Variants in ADAMTS3 observed in about 807,000 individuals in gnomAD.
ADAMTS3 encodes the protein ADAM metallopeptidase with thrombospondin type 1 motif 3.
A neutral mutation model predicts 129.0 loss-of-function variants in ADAMTS3; 73 were observed. The observed-to-expected ratio is 0.57, with a 90% CI of 0.47 to 0.69. The LOEUF is 0.69. ADAMTS3 is among the 30% of genes least tolerant of loss of function. ADAMTS3 has a pLI of 0.00. For synonymous variants in ADAMTS3, 477 were observed against 510.8 expected (o/e 0.93, Z 0.89); for missense variants, 1,457 against 1,514.5 (o/e 0.96, Z 0.63).
rs113479847 is a variant in ADAMTS3 at position 72,369,568 on chromosome 4, A to G, written c.662-29875T>C. 1.5e-3 allele frequency among the ~76,000 whole-genome samples: 233 copies of G among 152,136 alleles called. 2 individuals are homozygous for G. Among genetic ancestry groups the G allele is most frequent in the African/African-American group, 5.4e-3 (225 of 41,496 alleles). On this transcript the variant is annotated intron_variant, in intron 4 of 21. Transcript: ENST00000286657. The stretch of plus-strand genomic sequence containing the variant: ...TCTAGTAAAAATACAAAAATTAGCC[A>G]GGCATGGTAGTGGGAGCCTGTAATC...
chr4:72,372,026 T>C (rs534378047), intron 4 of ADAMTS3, among the ~76,000 whole-genome samples: 1 of 152,172 alleles, frequency 6.6e-6, no homozygotes, highest in African/African-American at 2.4e-5. Flanking sequence ...TCATAAACCA[T>C]ATTGTCAAAG....
chr4:72,376,420 A>G (rs1721134831), intron 4 of ADAMTS3, among the ~76,000 whole-genome samples: 2 of 152,186 alleles, frequency 1.3e-5, no homozygotes, highest in Non-Finnish European at 2.9e-5. Flanking sequence ...ATCAGCATGG[A>G]CGTTCAATAA....
Position 72,351,947 on chromosome 4 carries a change from T to C in ADAMTS3, c.662-12254A>G, listed in dbSNP as rs76230993. On this transcript the variant is annotated intron_variant, in intron 4 of 21. Coordinates refer to ENST00000286657, the MANE Select transcript of ADAMTS3 (RefSeq NM_014243.3). ...AAATTTTATAAATTAGCGTTCATTG[T>C]TGGCAATTTCTCAAAATCAACAAGG... Among the ~76,000 whole-genome samples, 243 of 152,078 alleles carry C rather than the reference T, an allele frequency of 1.6e-3. 6 individuals carry two copies. The East Asian group carries it at 0.025, about 16-fold the overall frequency.
At chr4:72,535,016 TG>T (rs150654956) in intron 3 of ADAMTS3, among the ~76,000 whole-genome samples, 1 of 152,310 alleles carries the variant, frequency 6.6e-6, no homozygotes, top group African/African-American at 2.4e-5. Context: ...AAGCCAAGGC[TG>T]GAAGTGAGGT....
At position 72,304,034 on chromosome 4, in the gene ADAMTS3, C is replaced by A. The variant is rs763979086; in HGVS notation, c.2307G>T (p.Gly769=). The change falls in exon 17 of 22, where the codon GGG becomes GGT. Residue 769 remains glycine (G), a synonymous_variant. Coordinates refer to ENST00000286657, the MANE Select transcript of ADAMTS3 (RefSeq NM_014243.3). ...TGAAGGTCCGCGACTTGGCTTCCTC[C>A]CCTTTGCCATTTAAAATATAATGGC... ...ATGHYILNGK[G]EEAKSRTFID... is the part of the protein sequence containing the mutation. The A allele has an allele frequency of 6.2e-7, 1 of 1,613,668 alleles. No homozygotes were observed. The highest frequency in any genetic ancestry group is 2.2e-5 in the East Asian group (1 of 44,850).
chr4:72,568,831 C>CCAAAAA lies in ADAMTS3; in HGVS notation c.-70_-69insTTTTTG. On this transcript the variant is annotated 5_prime_UTR_variant, in exon 1 of 22. Transcript: ENST00000286657. Reference sequence around the variant, plus strand: ...CCAGAGCAAACCCACCCCCCCCGCCCAAAATAAGTTTCTTTAAGAAAAAAA... The same window carrying CCAAAAA: ...CCAGAGCAAACCCACCCCCCCCGCCCCAAAAAAAAATAAGTTTCTTTAAGAAAAAAA... 4.2e-6 allele frequency: 5 copies of CCAAAAA among 1,177,370 alleles called. No homozygotes were observed. The highest frequency in any genetic ancestry group is 1.4e-5 in the South Asian group (1 of 72,588). The allele number at this position is 1,177,370 out of a possible 1,614,324, so 72.9% of individuals were successfully genotyped here.
At chr4:72,561,537 A>G (rs189257085) in intron 2 of ADAMTS3, among the ~76,000 whole-genome samples, 26 of 152,262 alleles carry the variant, frequency 1.7e-4, no homozygotes, top group Admixed American at 6.5e-4. Context: ...TGAACTTTAC[A>G]TGTAAAAGAG....
chr4:72,567,293 C>G, intron 2 of ADAMTS3, 81 bp downstream of exon 2: 1 of 1,381,574 alleles, frequency 7.2e-7, no homozygotes, highest in Non-Finnish European at 1.0e-6. Context: ...GGAAACATTT[C>G]AGAAACAATA....
intron 4 of ADAMTS3, among the ~76,000 whole-genome samples, chr4:72,366,179 A>G (rs1720862898): frequency 6.6e-6 from 1 of 152,192 alleles, no homozygotes; most frequent in East Asian, 1.9e-4. Context: ...AATAACCACA[A>G]AATAGCTCAC....
intron 3 of ADAMTS3, among the ~76,000 whole-genome samples, chr4:72,480,341 T>G (rs1368744146): frequency 6.6e-6 from 1 of 152,292 alleles, no homozygotes; most frequent in Admixed American, 6.5e-5. Context: ...GTGGCACATA[T>G]ACACCATGGA....
intron 3 of ADAMTS3, among the ~76,000 whole-genome samples, chr4:72,419,797 AG>A (rs577410261): frequency 1.3e-5 from 2 of 152,100 alleles, no homozygotes; most frequent in Admixed American, 6.6e-5. Context: ...GAGTTCATGC[AG>A]GGGGGCTCCA....
intron 4 of ADAMTS3, among the ~76,000 whole-genome samples, chr4:72,389,209 A>G (rs974593713): frequency 3.7e-4 from 56 of 152,210 alleles, no homozygotes; most frequent in African/African-American, 1.3e-3. Context: ...CGAGGATAAC[A>G]GCCTCAGGAC....
At chr4:72,420,986 C>A (rs1722431069) in intron 3 of ADAMTS3, among the ~76,000 whole-genome samples, 1 of 151,806 alleles carries the variant, frequency 6.6e-6, no homozygotes, top group African/African-American at 2.4e-5. Context: ...TTCTCAGGGG[C>A]AATAGCTAAA....
chr4:72,478,193 G>A (rs1719299574), intron 3 of ADAMTS3, among the ~76,000 whole-genome samples: 1 of 152,180 alleles, frequency 6.6e-6, no homozygotes, highest in Non-Finnish European at 1.5e-5. Flanking sequence ...CTCATTTTAT[G>A]AGGCCAGCTT....
chr4:72,395,800 ATAG>A lies in ADAMTS3; in HGVS notation c.661+19012_661+19014del, dbSNP rs201667092. Among the ~76,000 whole-genome samples the A allele has an allele frequency of 9.7e-3, 1,476 of 152,198 alleles. 23 individuals are homozygous for A. The highest frequency in any genetic ancestry group is 0.033 in the African/African-American group (1,384 of 41,508). ...ATGCATGTTCCATAATGTATAAATG[ATAG>A]TAGTATATTTGTGTGTGTGTGTGTG... On this transcript the variant is annotated intron_variant, in intron 4 of 21. Coordinates refer to ENST00000286657, the MANE Select transcript of ADAMTS3 (RefSeq NM_014243.3).
chr4:72,346,165 C>T (rs1449544194), intron 4 of ADAMTS3, among the ~76,000 whole-genome samples: 3 of 152,142 alleles, frequency 2.0e-5, no homozygotes, highest in African/African-American at 7.2e-5. Flanking sequence ...CAGATTGTGT[C>T]TTCCTGCATT....
chr4:72,357,237 A>G (rs1412069696), intron 4 of ADAMTS3, among the ~76,000 whole-genome samples: 1 of 151,930 alleles, frequency 6.6e-6, no homozygotes, highest in Non-Finnish European at 1.5e-5. Flanking sequence ...ATATGTGAAT[A>G]CCCTGTGATA....
At chr4:72,530,493 T>A (rs370441135) in intron 3 of ADAMTS3, among the ~76,000 whole-genome samples, 1 of 51,256 alleles carries the variant, frequency 2.0e-5, no homozygotes, top group Admixed American at 3.3e-4. Flanking sequence ...AATATATATT[T>A]ATATACAAAT....
chr4:72,528,613 A>G (rs931866552), intron 3 of ADAMTS3, among the ~76,000 whole-genome samples: 3 of 151,944 alleles, frequency 2.0e-5, no homozygotes, highest in African/African-American at 7.2e-5. Context: ...AAAAGAACTT[A>G]TGCAAACAAA....
Sources: allele counts gnomAD v4.1 joint callset (sites outside exome capture counted in the v4.1 genomes callset), GRCh38; gene constraint gnomAD v4.1.1; transcripts MANE v1.5; gene names NCBI Gene and HGNC (gene_info 2026-07-23, HGNC 2026-07-21).